Variants in NAALAD2 observed in about 807,000 individuals in gnomAD.
The protein encoded by NAALAD2 is N-acetylated alpha-linked acidic dipeptidase 2, also known as N-acetylated-alpha-linked acidic dipeptidase 2.
NAALAD2 carries 89 observed loss-of-function variants against 95.6 expected under a neutral mutation model. That is an observed-to-expected ratio of 0.93 (90% CI 0.78 to 1.11). The LOEUF is 1.11. NAALAD2 is among the 50% of genes least tolerant of loss of function. The pLI is 0.00. For synonymous variants in NAALAD2, 264 were observed against 294.4 expected (o/e 0.90, Z 1.06); for missense variants, 894 against 872.4 (o/e 1.02, Z -0.31).
At chr11:90,168,635 AGG>A (rs1465008951) in intron 11 of NAALAD2, among the ~76,000 whole-genome samples, 1 of 152,228 alleles carries the variant, frequency 6.6e-6, no homozygotes, top group East Asian at 1.9e-4. Context: ...AGTCTGATGC[AGG>A]GAATCAAGGA....
At chr11:90,144,054 A>G (rs1232508748) in intron 2 of NAALAD2, among the ~76,000 whole-genome samples, 1 of 152,130 alleles carries the variant, frequency 6.6e-6, no homozygotes, top group African/African-American at 2.4e-5. Context: ...GTCTGTTGTG[A>G]GGTGCTTTTT....
intron 8 of NAALAD2, among the ~76,000 whole-genome samples, chr11:90,161,340 A>G (rs1952292502): frequency 6.6e-6 from 1 of 152,208 alleles, no homozygotes; most frequent in Non-Finnish European, 1.5e-5. Context: ...ACAGAGCTGT[A>G]AAACAGTCTA....
chr11:90,171,291 A>C (rs976582985), intron 13 of NAALAD2, among the ~76,000 whole-genome samples: 1 of 152,140 alleles, frequency 6.6e-6, no homozygotes, highest in African/African-American at 2.4e-5. Flanking sequence ...TACTATTAAT[A>C]TTTCCTCCCT....
chr11:90,139,786 G>A (rs1342702223), intron 2 of NAALAD2, among the ~76,000 whole-genome samples: 1 of 151,170 alleles, frequency 6.6e-6, no homozygotes, highest in East Asian at 1.9e-4. Context: ...AGAAAAAAAG[G>A]TAATTTGCAA....
chr11:90,158,830 A>G (rs1022218746), intron 7 of NAALAD2: 4 of 203,094 alleles, frequency 2.0e-5, no homozygotes, highest in Non-Finnish European at 3.9e-5. Context: ...TTACAACTTA[A>G]TAATTGTTTG....
At chr11:90,161,942 C>A (rs567231970) in intron 8 of NAALAD2, among the ~76,000 whole-genome samples, 2 of 149,884 alleles carry the variant, frequency 1.3e-5, no homozygotes, top group East Asian at 1.9e-4. Context: ...AAAAAAACAT[C>A]GATTAGTTTT....
chr11:90,158,993 A>G (rs1952203729), intron 7 of NAALAD2: 1 of 411,592 alleles, frequency 2.4e-6, no homozygotes, highest in Non-Finnish European at 4.3e-6. Flanking sequence ...CCCATTTGCC[A>G]TGACTACTTT....
intron 16 of NAALAD2, among the ~76,000 whole-genome samples, chr11:90,180,535 A>G (rs764491975): frequency 2.4e-4 from 36 of 152,026 alleles, no homozygotes; most frequent in Non-Finnish European, 3.8e-4. Context: ...AATAGAAATT[A>G]GGTAATAGAA....
At chr11:90,172,897 A>G (rs1952681945) in intron 13 of NAALAD2, among the ~76,000 whole-genome samples, 1 of 152,210 alleles carries the variant, frequency 6.6e-6, no homozygotes, top group Non-Finnish European at 1.5e-5. Context: ...TACAGGTGAG[A>G]AGACTAAGGT....
At chr11:90,181,814 A>G in intron 17 of NAALAD2, 113 bp downstream of exon 17, 1 of 689,564 alleles carries the variant, frequency 1.5e-6, no homozygotes, top group East Asian at 2.9e-5. Context: ...TATTCAAATT[A>G]TAGTCTGCAA....
chr11:90,168,018 A>G (rs1431958775), intron 11 of NAALAD2, among the ~76,000 whole-genome samples: 1 of 152,154 alleles, frequency 6.6e-6, no homozygotes, highest in Non-Finnish European at 1.5e-5. Flanking sequence ...TGCTCTTTGC[A>G]ATATTGCTGC....
chr11:90,134,942 C>A, intron 1 of NAALAD2, 102 bp downstream of exon 1: 1 of 1,315,440 alleles, frequency 7.6e-7, no homozygotes, highest in Non-Finnish European at 1.1e-6. Context: ...TGTGCGCTAG[C>A]CCTGGCCGGC....
chr11:90,183,721 A>G (rs756394087), intron 18 of NAALAD2, among the ~76,000 whole-genome samples: 7 of 152,204 alleles, frequency 4.6e-5, no homozygotes, highest in South Asian at 2.1e-4. Flanking sequence ...ATTATAGAAT[A>G]GGCTTTGCAT....
At chr11:90,177,745 G>A in intron 15 of NAALAD2, 108 bp from the exon 16 acceptor site, 2 of 1,155,458 alleles carry the variant, frequency 1.7e-6, no homozygotes, top group Non-Finnish European at 2.4e-6. Flanking sequence ...GAGCCACCAT[G>A]ACTGGCTGGT....
chr11:90,153,690 A>G (rs1206132306), intron 6 of NAALAD2, among the ~76,000 whole-genome samples: 3 of 152,194 alleles, frequency 2.0e-5, no homozygotes, highest in Middle Eastern at 3.4e-3. Context: ...GAATTTTCTG[A>G]TCCATAAATA....
chr11:90,176,791 G>A (rs1014678237), intron 15 of NAALAD2, among the ~76,000 whole-genome samples: 1 of 152,072 alleles, frequency 6.6e-6, no homozygotes, highest in Non-Finnish European at 1.5e-5. Context: ...CCCATTATAT[G>A]TATATCACTT....
At chr11:90,191,214 C>T (rs761199248) in intron 18 of NAALAD2, among the ~76,000 whole-genome samples, 1 of 152,054 alleles carries the variant, frequency 6.6e-6, no homozygotes, top group Non-Finnish European at 1.5e-5. Flanking sequence ...TCTCAATCTC[C>T]TCTTACTAAA....
Position 90,176,062 on chromosome 11 carries a change from G to C in NAALAD2, c.1593G>C (p.Lys531Asn), listed in dbSNP as rs1952780652. Residue 531 changes from lysine (K) to asparagine (N), a missense_variant and splice_region_variant, in exon 15 of 19, where the codon AAG (lysine) becomes AAC (asparagine). By Grantham distance (94) the Lys-to-Asn change is moderately conservative (BLOSUM62 0). Coordinates refer to ENST00000534061, the MANE Select transcript of NAALAD2 (RefSeq NM_005467.4). Reference protein sequence around the residue: ...ASGRARYTKNKKTDKYSSYPV... With the variant: ...ASGRARYTKNNKTDKYSSYPV... ...GCAGAGCCCGTTACACTAAGAATAA[G>C]GTAAGCCATTTTATCATTTTGAATA... 3 of 1,609,140 alleles carry C rather than the reference G, an allele frequency of 1.9e-6. No homozygotes were observed. The African/African-American group carries it at 4.0e-5, about 22-fold the overall frequency.
rs755302036 is a variant in NAALAD2, at chr11:90,158,194, A to G, written c.846A>G (p.Ile282Met). Residue 282 changes from isoleucine to methionine, a missense_variant, in exon 7 of 19, where the codon ATA becomes ATG. By Grantham distance (10) the Ile-to-Met change is conservative. Coordinates refer to ENST00000534061, the MANE Select transcript of NAALAD2 (RefSeq NM_005467.4). ...AAGAAGGAGTGGGAATCCCCCGAATACCTGTACATCCCATTGGATATAATG... is the reference window on the plus strand; with the variant it reads ...AAGAAGGAGTGGGAATCCCCCGAATGCCTGTACATCCCATTGGATATAATG... ...DVEEGVGIPR[I>M]PVHPIGYNDA... 1 of 1,611,346 alleles carries G rather than the reference A, an allele frequency of 6.2e-7. No individual in the cohort carries two copies. The highest frequency in any genetic ancestry group is 8.5e-7 in the Non-Finnish European group (1 of 1,178,356).
Sources: allele counts gnomAD v4.1 joint callset (sites outside exome capture counted in the v4.1 genomes callset), GRCh38; gene constraint gnomAD v4.1.1; transcripts MANE v1.5; gene names NCBI Gene and HGNC (gene_info 2026-07-23, HGNC 2026-07-21).